KIAA0753: variants seen among roughly 807,000 people sequenced by gnomAD.
The protein encoded by KIAA0753 is KIAA0753.
KIAA0753 carries 114 observed loss-of-function variants against 116.9 expected under a neutral mutation model. The observed-to-expected ratio is 0.98, with a 90% confidence interval of 0.84 to 1.14. The LOEUF is 1.14. KIAA0753 is among the 50% of genes most tolerant of loss of function. The pLI, the probability that KIAA0753 is intolerant of heterozygous loss-of-function variation, is 0.00. For synonymous variants in KIAA0753, 405 were observed against 413.1 expected (o/e 0.98, Z 0.24); for missense variants, 1,156 against 1,172.4 (o/e 0.99, Z 0.20).
intron 14 of KIAA0753, 138 bp downstream of exon 14, chr17:6,599,099 C>T: frequency 1.5e-6 from 1 of 646,658 alleles, no homozygotes; most frequent in Non-Finnish European, 2.7e-6. Context: ...AATTAACATG[C>T]CAAATGTGAA....
At chr17:6,600,913 A>T (rs1047581041) in intron 12 of KIAA0753, 17 of 161,306 alleles carry the variant, frequency 1.1e-4, no homozygotes, top group Non-Finnish European at 2.2e-4. Context: ...GTGCTGGAAA[A>T]CAAAGGACAA....
chr17:6,607,023 A>C (rs1970239786), intron 11 of KIAA0753, 61 bp from the exon 12 acceptor site: 1 of 1,532,322 alleles, frequency 6.5e-7, no homozygotes, highest in African/African-American at 1.4e-5. Flanking sequence ...GGCTCCCTTG[A>C]GCTCCAGTCT....
At chr17:6,605,719 A>T (rs910002930) in intron 12 of KIAA0753, among the ~76,000 whole-genome samples, 1 of 152,146 alleles carries the variant, frequency 6.6e-6, no homozygotes, top group Admixed American at 6.5e-5. Context: ...CTCGGGGGAA[A>T]GGGGATGCAA....
rs537392463 is a variant in KIAA0753, at chr17:6,618,034, G to A, written c.1315+2754C>T. 7.9e-5 allele frequency among the ~76,000 whole-genome samples: 12 copies of A among 152,182 alleles called. No homozygotes were observed. In the East Asian group the frequency reaches 1.4e-3, roughly 17 times the overall value. ...GGAGAATCACTTGAACCTGGGAGGC[G>A]GAGGTTGCAGTGAGCCAAGATCACG... On this transcript the variant is annotated intron_variant, in intron 7 of 18. Coordinates refer to ENST00000361413, the MANE Select transcript of KIAA0753 (RefSeq NM_014804.3).
At chr17:6,592,691 C>T (rs1302931654) in intron 16 of KIAA0753, among the ~76,000 whole-genome samples, 5 of 152,126 alleles carry the variant, frequency 3.3e-5, no homozygotes, top group African/African-American at 1.2e-4. Context: ...TAGACCTACA[C>T]ATAAAACTAA....
At position 6,628,273 on chromosome 17, in the gene KIAA0753, G is replaced by A; in HGVS notation, c.562C>T (p.Pro188Ser). ...SHPGQSDLTV[P>S]NSPPTHDPGL... Reference sequence around the variant, plus strand: ...GGATCATGGGTGGGTGGCGAATTTGGCACAGTAAGATCTGACTGGCCTGGA... The same window carrying A: ...GGATCATGGGTGGGTGGCGAATTTGACACAGTAAGATCTGACTGGCCTGGA... The change falls in exon 3 of 19, where the codon CCA (proline) becomes TCA (serine). Residue 188 changes from proline to serine, a missense_variant. Physicochemically the swap from Pro to Ser is moderately conservative, Grantham distance 74 (BLOSUM62 -1). Transcript: ENST00000361413. The A allele has an allele frequency of 6.2e-7, 1 of 1,614,144 alleles. No individual in the cohort carries two copies. Among genetic ancestry groups the A allele is most frequent in the Non-Finnish European group, 8.5e-7 (1 of 1,180,020 alleles).
chr17:6,631,187 G>T (rs1972003727), intron 2 of KIAA0753, among the ~76,000 whole-genome samples: 1 of 152,062 alleles, frequency 6.6e-6, no homozygotes, highest in Admixed American at 6.6e-5. Context: ...AGAAACCAAT[G>T]AACCAAACTG....
At chr17:6,606,630 ACT>A (rs1462803832) in intron 12 of KIAA0753, among the ~76,000 whole-genome samples, 2 of 152,228 alleles carry the variant, frequency 1.3e-5, no homozygotes, top group Non-Finnish European at 2.9e-5. Context: ...TACACATAAG[ACT>A]CTGATCTTTC....
chr17:6,618,591 AT>A (rs1971089197), intron 7 of KIAA0753, among the ~76,000 whole-genome samples: 1 of 152,224 alleles, frequency 6.6e-6, no homozygotes, highest in Non-Finnish European at 1.5e-5. Context: ...AAACCCACAC[AT>A]TTGGTGTCAG....
chr17:6,611,986 T>C lies in KIAA0753; in HGVS notation c.1478A>G (p.Lys493Arg), dbSNP rs770832968. The change falls in exon 8 of 19, where the codon AAA becomes AGA. Residue 493 changes from lysine to arginine, a missense_variant. By Grantham distance (26) the Lys-to-Arg change is conservative. Coordinates refer to ENST00000361413, the MANE Select transcript of KIAA0753 (RefSeq NM_014804.3). The stretch of plus-strand genomic sequence containing the variant: ...CACATTCTCAGTCACAGGCTTCTTT[T>C]TCCCTGCTTTTGTTTTTGCCACGGC... ...VLAVAKTKAGKKKPVTENVPF... is the reference protein window; with the variant it reads ...VLAVAKTKAGRKKPVTENVPF... The C allele has an allele frequency of 8.1e-6, 13 of 1,614,082 alleles. No individual in the cohort carries two copies. The highest frequency in any genetic ancestry group is 1.3e-5 in the African/African-American group (1 of 74,930).
At chr17:6,634,117 T>G (rs1010035800) in intron 2 of KIAA0753, among the ~76,000 whole-genome samples, 3 of 151,214 alleles carry the variant, frequency 2.0e-5, no homozygotes, top group African/African-American at 7.3e-5. Flanking sequence ...TTTTTTTCTT[T>G]TTTGAGATGG....
chr17:6,611,011 C>T (rs1189868084), intron 8 of KIAA0753, among the ~76,000 whole-genome samples: 1 of 152,170 alleles, frequency 6.6e-6, no homozygotes, highest in Non-Finnish European at 1.5e-5. Flanking sequence ...TGCTAACTCT[C>T]CTTTTCTGGA....
At chr17:6,603,642 C>G (rs1970013104) in intron 12 of KIAA0753, among the ~76,000 whole-genome samples, 1 of 152,080 alleles carries the variant, frequency 6.6e-6, no homozygotes, top group African/African-American at 2.4e-5. Flanking sequence ...ACACTGGGAC[C>G]AAAAGAATGA....
chr17:6,633,889 G>T (rs59233827), intron 2 of KIAA0753, among the ~76,000 whole-genome samples: 18,016 of 151,910 alleles, frequency 0.12, 1,654 homozygotes, highest in East Asian at 0.36. Context: ...GGAGGAGTGG[G>T]GGTTATCTAG....
intron 2 of KIAA0753, among the ~76,000 whole-genome samples, chr17:6,630,851 A>G (rs1335513474): frequency 1.3e-5 from 2 of 152,364 alleles, no homozygotes; most frequent in African/African-American, 2.4e-5. Context: ...TTTATAATAC[A>G]CTACCCTTCA....
intron 12 of KIAA0753, among the ~76,000 whole-genome samples, chr17:6,603,371 A>G (rs111306161): frequency 3.3e-5 from 5 of 152,348 alleles, no homozygotes; most frequent in African/African-American, 4.8e-5. Flanking sequence ...CACACCCACA[A>G]TAAGTCCTAT....
intron 15 of KIAA0753, among the ~76,000 whole-genome samples, chr17:6,595,763 G>A (rs1032371278): frequency 1.1e-4 from 16 of 152,172 alleles, no homozygotes; most frequent in African/African-American, 3.9e-4. Context: ...TGATTTGATA[G>A]GATCACACTC....
Position 6,609,934 on chromosome 17 carries a change from T to C in KIAA0753, c.1712+60A>G, listed in dbSNP as rs971124775. 1.7e-5 allele frequency: 26 copies of C among 1,574,808 alleles called. No individual in the cohort carries two copies. The East Asian group carries it at 4.3e-4, about 26-fold the overall frequency. On this transcript the variant is annotated intron_variant, in intron 9 of 18. Transcript: ENST00000361413. ...GCTCCTTATAAGCTACAGGTCACCT[T>C]TGATATATGGAGGAAAAAGAGCATC...
chr17:6,606,766 T>G, intron 12 of KIAA0753, 107 bp downstream of exon 12: 1 of 758,498 alleles, frequency 1.3e-6, no homozygotes, highest in Non-Finnish European at 2.3e-6. Flanking sequence ...ATTCATTCAT[T>G]CATGTAATGA....
Sources: gnomAD v4.1 joint callset for allele counts (sites outside exome capture counted in the v4.1 genomes callset) on GRCh38, gnomAD v4.1.1 for gene constraint, MANE v1.5 for transcripts, NCBI Gene and HGNC (gene_info 2026-07-23, HGNC 2026-07-21) for gene names.